The following RAVER2 variants were observed in gnomAD, a reference collection of about 807,000 sequenced individuals.
The protein encoded by RAVER2 is ribonucleoprotein, PTB binding 2, also known as ribonucleoprotein PTB-binding 2.
RAVER2 carries 46 observed loss-of-function variants against 78.1 expected under a neutral mutation model. The observed-to-expected ratio is 0.59, with a 90% confidence interval of 0.46 to 0.75. The LOEUF is 0.75. RAVER2 is among the 30% of genes least tolerant of loss of function. The pLI is 0.00. For missense variants in RAVER2, 793 were observed against 837.5 expected (o/e 0.95, Z 0.66); for synonymous variants, 311 against 313.3 (o/e 0.99, Z 0.08).
rs1653984556 is a variant in RAVER2 at position 64,825,373 on chromosome 1, G to A, written c.1930-5466G>A. On this transcript the variant is annotated intron_variant, in intron 11 of 11. Transcript: ENST00000294428. ...TCTCCGTATACCTGACTCCACTGAA[G>A]AGACAAGACTTAGAAAAGGTGAAGT... 2.6e-5 allele frequency among the ~76,000 whole-genome samples: 4 copies of A among 152,174 alleles called. No homozygotes were observed. The South Asian group carries it at 8.3e-4, about 32-fold the overall frequency.
At chr1:64,771,513 A>G (rs1365893012) in intron 2 of RAVER2, among the ~76,000 whole-genome samples, 1 of 152,048 alleles carries the variant, frequency 6.6e-6, no homozygotes, top group Admixed American at 6.6e-5. Context: ...TTACGTGGGT[A>G]AAGACTTTTT....
At chr1:64,781,405 T>C in exon 4 of RAVER2, 5 of 1,611,094 alleles carry the variant, frequency 3.1e-6, no homozygotes, top group Middle Eastern at 1.8e-4. Context: ...GGTAGTTACG[T>C]TGGTGGCTTT....
chr1:64,784,172 C>T (rs1035107480), intron 4 of RAVER2, among the ~76,000 whole-genome samples: 4 of 152,068 alleles, frequency 2.6e-5, no homozygotes, highest in African/African-American at 9.7e-5. Context: ...TTGTTTGAGC[C>T]CAGGAACTCG....
intron 3 of RAVER2, among the ~76,000 whole-genome samples, chr1:64,779,542 A>AT (rs11354689): frequency 1.8e-3 from 262 of 143,832 alleles, no homozygotes; most frequent in East Asian, 3.0e-3. Context: ...CTACTTTTTA[A>AT]TTTTTTTTTT....
exon 12 of RAVER2, chr1:64,832,315 G>GTGT (rs949762302): frequency 6.6e-6 from 1 of 152,532 alleles, no homozygotes; most frequent in Non-Finnish European, 1.5e-5. Context: ...TTTTGATAGT[G>GTGT]TGTTAGGGTG....
At chr1:64,815,066 G>A in intron 11 of RAVER2, 1 of 282,456 alleles carries the variant, frequency 3.5e-6, no homozygotes. Flanking sequence ...CTAGTGGTTG[G>A]CAAACTACAG....
intron 2 of RAVER2, among the ~76,000 whole-genome samples, chr1:64,776,980 G>A (rs1055008565): frequency 6.6e-6 from 1 of 152,112 alleles, no homozygotes; most frequent in Non-Finnish European, 1.5e-5. Flanking sequence ...CTTGTCTTAA[G>A]ATCAGAATCC....
Position 64,807,763 on chromosome 1 carries a change from T to C in RAVER2, c.1680+289T>C, listed in dbSNP as rs1016487375. Among the ~76,000 whole-genome samples the C allele has an allele frequency of 2.6e-5, 4 of 152,310 alleles. No homozygotes were observed. In the East Asian group the frequency reaches 7.7e-4, roughly 29 times the overall value. ...TTTAATTTGTGTAAAATGAGTTACG[T>C]CTCTTATAAATAATTTAAATGTGGA... is the stretch of plus-strand genomic sequence containing the variant. On this transcript the variant is annotated intron_variant, in intron 9 of 11. Transcript: ENST00000294428.
rs896658379 is a variant in RAVER2 at position 64,745,353 on chromosome 1, A to T, written c.181A>T (p.Met61Leu). ...GGAGGTCGCCGCGCGACTGCAGCGG[A>T]TGCAGCGGGAGCTGAGCAACCGCAG... Residue 61 changes from methionine (M) to leucine (L), a missense_variant, in exon 1 of 12, where the codon ATG becomes TTG. Met to Leu is a conservative substitution (Grantham distance 15). Coordinates refer to ENST00000294428, the Ensembl canonical transcript of RAVER2. The surrounding 1 kb of genome is among the most constrained non-coding windows in gnomAD (Gnocchi z 4.3). 3.9e-6 allele frequency: 6 copies of T among 1,541,798 alleles called. No individual in the cohort carries two copies. In the African/African-American group the frequency reaches 8.3e-5, roughly 21 times the overall value.
intron 7 of RAVER2, 42 bp downstream of exon 7, chr1:64,804,880 C>A (rs764934480): frequency 6.6e-7 from 1 of 1,509,110 alleles, no homozygotes; most frequent in Admixed American, 1.8e-5. Flanking sequence ...CAGTTCATTT[C>A]TTTTCTAGAA....
chr1:64,760,581 G>T lies in RAVER2; in HGVS notation c.250-8075G>T, dbSNP rs193061728. Reference sequence around the variant, plus strand: ...AGGCATAGAGTTTGATAGGGTTAGTGGTAAAATATAGGGCTGGCACATTTA... The same window carrying T: ...AGGCATAGAGTTTGATAGGGTTAGTTGTAAAATATAGGGCTGGCACATTTA... On this transcript the variant is annotated intron_variant, in intron 1 of 11. Transcript: ENST00000294428. Among the ~76,000 whole-genome samples, 224 of 152,158 alleles carry T rather than the reference G, an allele frequency of 1.5e-3. 1 individual carries two copies. Among genetic ancestry groups the T allele is most frequent in the African/African-American group, 5.1e-3 (213 of 41,494 alleles).
intron 1 of RAVER2, among the ~76,000 whole-genome samples, chr1:64,751,737 A>T (rs1279005123): frequency 6.6e-5 from 10 of 152,038 alleles, no homozygotes; most frequent in Admixed American, 5.2e-4. Flanking sequence ...TGATTTTTTT[A>T]AAATCTTTAC....
intron 1 of RAVER2, among the ~76,000 whole-genome samples, chr1:64,754,004 T>C (rs1261850675): frequency 6.6e-6 from 1 of 152,102 alleles, no homozygotes; most frequent in Non-Finnish European, 1.5e-5. Flanking sequence ...CTCCCTGTAA[T>C]CCCCAGCCAG....
At chr1:64,828,544 CATT>C (rs1410771211) in intron 11 of RAVER2, among the ~76,000 whole-genome samples, 2 of 152,140 alleles carry the variant, frequency 1.3e-5, no homozygotes, top group Non-Finnish European at 2.9e-5. Context: ...TTTAAATCAT[CATT>C]CCCCATTCAC....
At chr1:64,825,145 A>G (rs61784686) in intron 11 of RAVER2, among the ~76,000 whole-genome samples, 31,034 of 151,914 alleles carry the variant, frequency 0.2, 3,717 homozygotes, top group African/African-American at 0.34. Context: ...AGAATGAAGC[A>G]TATTGATTTT....
At chr1:64,798,934 G>A (rs1302117797) in intron 5 of RAVER2, among the ~76,000 whole-genome samples, 1 of 152,012 alleles carries the variant, frequency 6.6e-6, no homozygotes, top group Non-Finnish European at 1.5e-5. Context: ...CATTGTGTTG[G>A]GAGCATTTAA....
At chr1:64,759,902 G>T (rs1651974128) in intron 1 of RAVER2, among the ~76,000 whole-genome samples, 1 of 152,124 alleles carries the variant, frequency 6.6e-6, no homozygotes, top group Non-Finnish European at 1.5e-5. Context: ...CAGCATTAGA[G>T]TTGATAAAGG....
intron 1 of RAVER2, among the ~76,000 whole-genome samples, chr1:64,760,318 C>A (rs1010526576): frequency 1.3e-5 from 2 of 152,108 alleles, no homozygotes; most frequent in Non-Finnish European, 2.9e-5. Context: ...CTTTCCAAAC[C>A]CTTCTCCCAA....
Position 64,745,765 on chromosome 1 carries a change from A to G in RAVER2, c.249+344A>G, listed in dbSNP as rs1182820810. ...AGAGTGGAGGTGAGTTGTGGAGCAC[A>G]CATTTTGCGGGGGGGAGCGGGGGTA... On this transcript the variant is annotated intron_variant, in intron 1 of 11. Transcript: ENST00000294428. The surrounding 1 kb of genome is among the most constrained non-coding windows in gnomAD (Gnocchi z 4.3). Among the ~76,000 whole-genome samples the G allele has an allele frequency of 1.4e-5, 2 of 144,604 alleles. No individual in the cohort carries two copies. The highest frequency in any genetic ancestry group is 1.4e-4 in the Admixed American group (2 of 14,644). The allele number at this position is 144,604 out of a possible 152,430, so 94.9% of individuals were successfully genotyped here. A position where few individuals can be genotyped will look rare whatever the true frequency, so the allele number is the denominator to read the frequency against.
Sources: allele counts gnomAD v4.1 joint callset (sites outside exome capture counted in the v4.1 genomes callset), GRCh38; gene constraint gnomAD v4.1.1; non-coding constraint Gnocchi (gnomAD v3.1); transcripts MANE v1.5; gene names NCBI Gene and HGNC (gene_info 2026-07-23, HGNC 2026-07-21).